LPP: variants seen among roughly 807,000 people sequenced by gnomAD.
LPP encodes the protein LIM domain containing preferred translocation partner in lipoma, also known as lipoma-preferred partner.
LPP carries 38 observed loss-of-function variants against 60.4 expected under a neutral mutation model. The observed-to-expected ratio is 0.63, with a 90% CI of 0.49 to 0.83. The LOEUF is 0.83. LPP is among the 40% of genes least tolerant of loss of function. The pLI is 0.00. For synonymous variants in LPP, 328 were observed against 290.8 expected (o/e 1.13, Z -1.30); for missense variants, 902 against 783.6 (o/e 1.15, Z -1.80).
intron 5 of LPP, among the ~76,000 whole-genome samples, chr3:188,498,445 T>C (rs894936463): frequency 2.0e-5 from 3 of 152,306 alleles, no homozygotes; most frequent in Middle Eastern, 3.4e-3. Context: ...GTAATCAGAT[T>C]GTATTTGTCT....
chr3:188,881,429 T>A lies in LPP; in HGVS notation c.*6950T>A, dbSNP rs1487608031. On this transcript the variant is annotated 3_prime_UTR_variant, in exon 12 of 12. Coordinates refer to ENST00000617246, the MANE Select transcript of LPP (RefSeq NM_001375462.1). ...TTAAACAGTGGACACAAACATATTT[T>A]CTAATTTTCAGTGTACTCAGTGAAA... 3 of 207,026 alleles carry A rather than the reference T, an allele frequency of 1.4e-5. No individual in the cohort carries two copies. The highest frequency in any genetic ancestry group is 3.0e-5 in the Non-Finnish European group (3 of 101,116). The allele number at this position is 207,026 out of a possible 1,614,324, so 12.8% of individuals were successfully genotyped here. A position where few individuals can be genotyped will look rare whatever the true frequency, so the allele number is the denominator to read the frequency against.
intron 7 of LPP, among the ~76,000 whole-genome samples, chr3:188,707,947 G>A (rs146572516): frequency 6.6e-6 from 1 of 152,184 alleles, no homozygotes; most frequent in African/African-American, 2.4e-5. Flanking sequence ...AAGAAAGAAA[G>A]ACTCAATTTA....
chr3:188,764,754 A>G (rs1040428177), intron 9 of LPP, among the ~76,000 whole-genome samples: 1 of 152,200 alleles, frequency 6.6e-6, no homozygotes, highest in Non-Finnish European at 1.5e-5. Flanking sequence ...AATTCTCAGC[A>G]AAAGTCTATT....
At chr3:188,462,624 G>C (rs1204088999) in intron 4 of LPP, among the ~76,000 whole-genome samples, 1 of 125,508 alleles carries the variant, frequency 8.0e-6, no homozygotes, top group Non-Finnish European at 1.7e-5. Flanking sequence ...GTGTGTGTGT[G>C]TGTGTGTGTG....
chr3:188,641,082 A>T (rs1850019333), intron 7 of LPP, among the ~76,000 whole-genome samples: 1 of 152,252 alleles, frequency 6.6e-6, no homozygotes, highest in African/African-American at 2.4e-5. Flanking sequence ...TTTTCTCAGA[A>T]GGTTAAATCT....
Position 188,849,219 on chromosome 3 carries a change from C to T in LPP, c.1411-16981C>T, listed in dbSNP as rs1216921339. Among the ~76,000 whole-genome samples the T allele has an allele frequency of 5.3e-5, 8 of 152,244 alleles. No individual in the cohort carries two copies. The East Asian group carries it at 1.4e-3, about 26-fold the overall frequency. On this transcript the variant is annotated intron_variant, in intron 9 of 11. Transcript: ENST00000617246. ...CGGAGGGACCCTTTTCCTCTGAGGA[C>T]ACATCATTTCACCTTAACCCCTTTG...
chr3:188,258,600 G>A (rs141935860), intron 2 of LPP, among the ~76,000 whole-genome samples: 2 of 152,282 alleles, frequency 1.3e-5, no homozygotes, highest in East Asian at 1.9e-4. Flanking sequence ...GAATCATGGA[G>A]CTTTTTGTTT....
intron 6 of LPP, among the ~76,000 whole-genome samples, chr3:188,577,756 CCTTCG>C (rs779176051): frequency 0.34 from 46,486 of 136,408 alleles, 9,535 homozygotes; most frequent in Non-Finnish European, 0.41. Context: ...TTCCTTCGTT[CCTTCG>C]TTCCTTCCTT....
intron 8 of LPP, among the ~76,000 whole-genome samples, chr3:188,714,676 G>T (rs376183398): frequency 6.6e-6 from 1 of 151,788 alleles, no homozygotes; most frequent in Non-Finnish European, 1.5e-5. Context: ...TGTGACTGTC[G>T]CATTACAGTA....
At chr3:188,318,209 C>G (rs1312685808) in intron 2 of LPP, among the ~76,000 whole-genome samples, 2 of 152,014 alleles carry the variant, frequency 1.3e-5, no homozygotes, top group South Asian at 4.2e-4. Context: ...TTATTCTGGG[C>G]CTTGCTTTTT....
intron 7 of LPP, among the ~76,000 whole-genome samples, chr3:188,625,227 A>C (rs1488516746): frequency 6.6e-6 from 1 of 152,116 alleles, no homozygotes; most frequent in East Asian, 1.9e-4. Flanking sequence ...GATGAAATAA[A>C]TATGTTGCCT....
intron 5 of LPP, among the ~76,000 whole-genome samples, chr3:188,485,192 G>A (rs572065130): frequency 1.3e-5 from 2 of 152,196 alleles, no homozygotes; most frequent in East Asian, 1.9e-4. Flanking sequence ...TTTCTCTTCT[G>A]GGTAAGTTCA....
chr3:188,612,979 G>T (rs1291760510), intron 7 of LPP, among the ~76,000 whole-genome samples: 3 of 152,090 alleles, frequency 2.0e-5, no homozygotes, highest in African/African-American at 4.8e-5. Flanking sequence ...AGGCTTAGGG[G>T]ATCATGATTA....
intron 2 of LPP, chr3:188,239,806 G>C (rs1430686186): frequency 9.3e-6 from 2 of 215,592 alleles, no homozygotes; most frequent in Admixed American, 5.8e-5. Context: ...CATGCAAAAA[G>C]TCACTTTAAT....
At chr3:188,827,111 G>A (rs13097990) in intron 9 of LPP, among the ~76,000 whole-genome samples, 18,296 of 152,108 alleles carry the variant, frequency 0.12, 1,573 homozygotes, top group Non-Finnish European at 0.18. Context: ...TAATGGAATG[G>A]ATTATTAGAG....
intron 8 of LPP, chr3:188,712,933 CTTGT>C (rs1159653037): frequency 4.6e-5 from 7 of 151,004 alleles, no homozygotes; most frequent in African/African-American, 1.7e-4. Context: ...TATTATAGTT[CTTGT>C]TTCTTTGCGG....
intron 3 of LPP, among the ~76,000 whole-genome samples, chr3:188,390,314 C>T (rs1316582112): frequency 6.6e-6 from 1 of 152,124 alleles, no homozygotes; most frequent in African/African-American, 2.4e-5. Flanking sequence ...ATTGTAAAAT[C>T]ACTGCTATAT....
chr3:188,779,085 G>A (rs1738761419), intron 9 of LPP, among the ~76,000 whole-genome samples: 1 of 151,548 alleles, frequency 6.6e-6, no homozygotes, highest in Non-Finnish European at 1.5e-5. Flanking sequence ...TATTATGCAT[G>A]TTTTCCAAAG....
intron 7 of LPP, among the ~76,000 whole-genome samples, chr3:188,621,147 A>G (rs1372550402): frequency 6.6e-6 from 1 of 152,128 alleles, no homozygotes; most frequent in Non-Finnish European, 1.5e-5. Context: ...TCCAAAAAAA[A>G]AAAGAGTCGT....
Sources: gnomAD v4.1 joint callset for allele counts (sites outside exome capture counted in the v4.1 genomes callset) on GRCh38, gnomAD v4.1.1 for gene constraint, MANE v1.5 for transcripts, NCBI Gene and HGNC (gene_info 2026-07-23, HGNC 2026-07-21) for gene names.